Variants in USP42 observed in about 807,000 individuals in gnomAD.
The protein encoded by USP42 is ubiquitin carboxyl-terminal hydrolase 42.
A neutral mutation model predicts 113.0 loss-of-function variants in USP42; 23 were observed. The observed-to-expected ratio is 0.20, with a 90% CI of 0.15 to 0.29. USP42 has a LOEUF of 0.29. USP42 is among the 10% of genes least tolerant of loss of function. The pLI is 1.00. For synonymous variants in USP42, 933 were observed against 699.0 expected (o/e 1.33, Z -5.28); for missense variants, 2,174 against 1,779.8 (o/e 1.22, Z -3.99).
chr7:6,096,198 C>A, the USP42 span, among the ~76,000 whole-genome samples: 1 of 150,970 alleles, frequency 6.6e-6, no homozygotes, highest in Non-Finnish European at 1.5e-5. Flanking sequence ...CCTGGCCAGG[C>A]GTGGTGGCTC....
chr7:6,091,332 C>T, the USP42 span, among the ~76,000 whole-genome samples: 2 of 150,678 alleles, frequency 1.3e-5, no homozygotes, highest in Non-Finnish European at 2.9e-5. Flanking sequence ...TCAAGCGATC[C>T]TCCCACCTCC....
rs181402625 is a variant in USP42, at chr7:6,111,433, G to A, written c.241+59G>A. ...AAACTCCTGTGTAAATGCTGCTGGG[G>A]CTTGGTGGTTTCAGAGAGGGGCTTA... is the stretch of plus-strand genomic sequence containing the variant. On this transcript the variant is annotated intron_variant, in intron 2 of 17. Coordinates refer to ENST00000306177, the MANE Select transcript of USP42 (RefSeq NM_032172.3). The A allele has an allele frequency of 4.5e-5, 71 of 1,575,036 alleles. No homozygotes were observed. In the Admixed American group the frequency reaches 6.8e-4, roughly 15 times the overall value.
intron 10 of USP42, 56 bp from the exon 11 acceptor site, chr7:6,146,092 T>A: frequency 3.2e-6 from 4 of 1,261,828 alleles, no homozygotes; most frequent in Non-Finnish European, 4.5e-6. Flanking sequence ...TTCTCTTGAC[T>A]ATGTTCCATG....
In USP42 at chr7:6,147,835, C is replaced by T; in HGVS notation, c.1329C>T (p.Thr443=). 1 of 1,613,588 alleles carries T rather than the reference C, an allele frequency of 6.2e-7. No individual in the cohort carries two copies. Among genetic ancestry groups the T allele is most frequent in the Non-Finnish European group, 8.5e-7 (1 of 1,179,700 alleles). ...PRPVISQRVV[T]NKQAAPGFIG... ...CCGTCATCAGTCAGCGGGTTGTCAC[C>T]AACAAACAGGCTGCGCCAGGCTTTA... is the stretch of plus-strand genomic sequence containing the variant. The change falls in exon 12 of 18, where the codon ACC becomes ACT. Residue 443 remains threonine, a synonymous_variant. Transcript: ENST00000306177.
At chr7:6,125,982 C>G (rs1262464562) in intron 3 of USP42, among the ~76,000 whole-genome samples, 1 of 152,140 alleles carries the variant, frequency 6.6e-6, no homozygotes, top group Non-Finnish European at 1.5e-5. Context: ...TGGAATATCA[C>G]AAGCACAGTA....
At chr7:6,150,634 A>G (rs1287519509) in intron 14 of USP42, 128 bp downstream of exon 14, 4 of 853,738 alleles carry the variant, frequency 4.7e-6, no homozygotes, top group Non-Finnish European at 5.5e-6. Flanking sequence ...AATGATTTGA[A>G]TTATAATGTA....
At chr7:6,120,700 C>G (rs1053006338) in intron 3 of USP42, among the ~76,000 whole-genome samples, 1 of 152,152 alleles carries the variant, frequency 6.6e-6, no homozygotes, top group Non-Finnish European at 1.5e-5. Context: ...TCTTCTGCTT[C>G]AGCCTCATGG....
chr7:6,121,711 C>T lies in USP42; in HGVS notation c.442+6188C>T, dbSNP rs192185703. On this transcript the variant is annotated intron_variant, in intron 3 of 17. Transcript: ENST00000306177. Reference sequence around the variant, plus strand: ...ACAGGATCTTGCTCTTTTGCCCAGGCTGGAGTACAGTGGCAAGATCATACC... The same window carrying T: ...ACAGGATCTTGCTCTTTTGCCCAGGTTGGAGTACAGTGGCAAGATCATACC... Among the ~76,000 whole-genome samples, 4 of 152,212 alleles carry T rather than the reference C, an allele frequency of 2.6e-5. No individual in the cohort carries two copies. In the South Asian group the frequency reaches 8.3e-4, roughly 31 times the overall value.
Position 6,111,258 on chromosome 7 carries a change from C to G in USP42, c.125C>G (p.Ser42Cys). The G allele has an allele frequency of 6.2e-7, 1 of 1,608,338 alleles. No homozygotes were observed. The highest frequency in any genetic ancestry group is 2.2e-5 in the East Asian group (1 of 44,788). ...GGTTCTGCCAGCTGGGGTGCTGTGTCTTCATTGAATGATGTGTCAAATCAC... is the reference window on the plus strand; with the variant it reads ...GGTTCTGCCAGCTGGGGTGCTGTGTGTTCATTGAATGATGTGTCAAATCAC... ...DAGSASWGAV[S>C]SLNDVSNHTL... Residue 42 changes from serine (S) to cysteine (C), a missense_variant, in exon 2 of 18, where the codon TCT becomes TGT. Ser to Cys is a moderately radical substitution (Grantham distance 112). Transcript: ENST00000306177.
intron 9 of USP42, among the ~76,000 whole-genome samples, chr7:6,144,611 C>T (rs180975177): frequency 1.6e-3 from 251 of 152,214 alleles, no homozygotes; most frequent in Non-Finnish European, 2.2e-3. Flanking sequence ...GGCTCACGCC[C>T]GTAATCCCAG....
rs1782214041 is a variant in USP42 at position 6,153,818 on chromosome 7, C to T, written c.2264C>T (p.Pro755Leu). Residue 755 changes from proline (P) to leucine (L), a missense_variant, in exon 15 of 18, where the codon CCC becomes CTC. By Grantham distance (98) the Pro-to-Leu change is moderately conservative. Coordinates refer to ENST00000306177, the MANE Select transcript of USP42 (RefSeq NM_032172.3). ...GACGCCGAGCCTCAGCCTGGCAGCC[C>T]CGCCGCCGAATCCCTGGAGGAGCCA... ...DRDAEPQPGS[P>L]AAESLEEPDA... 1 of 1,531,016 alleles carries T rather than the reference C, an allele frequency of 6.5e-7. No individual in the cohort carries two copies. The highest frequency in any genetic ancestry group is 1.4e-5 in the African/African-American group (1 of 71,556). The allele number at this position is 1,531,016 out of a possible 1,614,324, so 94.8% of individuals were successfully genotyped here.
chr7:6,150,359 C>A, intron 13 of USP42, 53 bp from the exon 14 acceptor site: 1 of 1,609,586 alleles, frequency 6.2e-7, no homozygotes, highest in Non-Finnish European at 8.5e-7. Flanking sequence ...GGCTGGATTT[C>A]AGGAGGCATG....
chr7:6,137,441 C>T (rs1781209153), intron 4 of USP42, among the ~76,000 whole-genome samples: 1 of 152,242 alleles, frequency 6.6e-6, no homozygotes, highest in African/African-American at 2.4e-5. Flanking sequence ...TCACTACAAC[C>T]TCTGCCTCTC....
chr7:6,119,590 A>G (rs1353837012), intron 3 of USP42, among the ~76,000 whole-genome samples: 2 of 152,202 alleles, frequency 1.3e-5, no homozygotes, highest in Non-Finnish European at 2.9e-5. Context: ...TTTGATTGGG[A>G]CTGTGCTGAA....
At position 6,122,287 on chromosome 7, in the gene USP42, T is replaced by G. The variant is rs181848641; in HGVS notation, c.442+6764T>G. ...TGATATGTCATGTGTCAGTTTTTTT[T>G]TTTTTTTTTTTAAAGACAGGGTCTC... is the stretch of plus-strand genomic sequence containing the variant. On this transcript the variant is annotated intron_variant, in intron 3 of 17. Coordinates refer to ENST00000306177, the MANE Select transcript of USP42 (RefSeq NM_032172.3). Among the ~76,000 whole-genome samples the G allele has an allele frequency of 4.7e-3, 718 of 151,668 alleles. 7 individuals are homozygous for G. The highest frequency in any genetic ancestry group is 0.016 in the African/African-American group (654 of 41,352).
chr7:6,123,354 C>T (rs1780341375), intron 3 of USP42, among the ~76,000 whole-genome samples: 1 of 151,940 alleles, frequency 6.6e-6, no homozygotes, highest in Non-Finnish European at 1.5e-5. Flanking sequence ...GAGACCCTCT[C>T]TGTATAATAT....
At position 6,147,724 on chromosome 7, in the gene USP42, T is replaced by G. The variant is rs748757953; in HGVS notation, c.1233-15T>G. 1.9e-6 allele frequency: 3 copies of G among 1,566,756 alleles called. No individual in the cohort carries two copies. Among genetic ancestry groups the G allele is most frequent in the Non-Finnish European group, 1.7e-6 (2 of 1,148,886 alleles). On this transcript the variant is annotated splice_polypyrimidine_tract_variant and intron_variant, in intron 11 of 17. Coordinates refer to ENST00000306177, the MANE Select transcript of USP42 (RefSeq NM_032172.3). ...TGTCCTGTGTCACCCTAAGTATCGC[T>G]CTCCTTGTTTCCAGGTCCCATGATG...
At chr7:6,120,329 A>G (rs750950311) in intron 3 of USP42, among the ~76,000 whole-genome samples, 1 of 151,266 alleles carries the variant, frequency 6.6e-6, no homozygotes, top group Non-Finnish European at 1.5e-5. Context: ...TGTAACCTCC[A>G]CCTCTTCGGT....
At position 6,154,502 on chromosome 7, in the gene USP42, C is replaced by G. The variant is rs1782294136; in HGVS notation, c.2948C>G (p.Thr983Ser). The G allele has an allele frequency of 6.5e-7, 1 of 1,543,802 alleles. No individual in the cohort carries two copies. The highest frequency in any genetic ancestry group is 2.5e-5 in the East Asian group (1 of 40,744). ...TEGHRHRRRR[T>S]CPRERDRQDR... is the part of the protein sequence containing the mutation. ...GGCCACCGTCACCGGCGGCGCCGCA[C>G]CTGCCCCCGGGAGCGCGACCGCCAG... The change falls in exon 15 of 18, where the codon ACC (threonine) becomes AGC (serine). Residue 983 changes from threonine to serine, a missense_variant. Coordinates refer to ENST00000306177, the MANE Select transcript of USP42 (RefSeq NM_032172.3).
Sources: allele counts gnomAD v4.1 joint callset (sites outside exome capture counted in the v4.1 genomes callset), GRCh38; gene constraint gnomAD v4.1.1; transcripts MANE v1.5; gene names NCBI Gene and HGNC (gene_info 2026-07-23, HGNC 2026-07-21).